RBFOX1: variants seen among roughly 807,000 people sequenced by gnomAD.
RBFOX1 encodes the protein RNA binding protein fox-1 homolog 1.
A neutral mutation model predicts 57.7 loss-of-function variants in RBFOX1; 8 were observed. That is an observed-to-expected ratio of 0.14 (90% CI 0.08 to 0.25). The LOEUF (loss-of-function observed/expected upper bound fraction) is 0.25. RBFOX1 is among the 10% of genes least tolerant of loss of function. The pLI is 1.00. For missense variants in RBFOX1, 611 were observed against 548.5 expected (o/e 1.11, Z -1.14); for synonymous variants, 326 against 222.4 (o/e 1.47, Z -4.15).
At chr16:6,713,543 C>T (rs1470492835) in intron 3 of RBFOX1, among the ~76,000 whole-genome samples, 6 of 152,010 alleles carry the variant, frequency 3.9e-5, no homozygotes, top group Non-Finnish European at 8.8e-5. Context: ...AAACCCCCTC[C>T]CCAGTTGAGA....
intron 3 of RBFOX1, among the ~76,000 whole-genome samples, chr16:6,865,826 T>G (rs1245568406): frequency 6.6e-6 from 1 of 152,176 alleles, no homozygotes; most frequent in Non-Finnish European, 1.5e-5. Context: ...AATTTTCAGG[T>G]ACAATTAACT....
intron 4 of RBFOX1, among the ~76,000 whole-genome samples, chr16:7,457,981 A>C (rs2058851003): frequency 6.6e-6 from 1 of 152,120 alleles, no homozygotes; most frequent in Non-Finnish European, 1.5e-5. Context: ...GAAAGGCTAC[A>C]TTCCACAGTT....
chr16:6,467,724 A>G (rs923678195), intron 2 of RBFOX1, among the ~76,000 whole-genome samples: 1 of 152,222 alleles, frequency 6.6e-6, no homozygotes, highest in Non-Finnish European at 1.5e-5. Flanking sequence ...TCTTCCATCT[A>G]TGGCTCTGGA....
chr16:5,400,807 A>T (rs60386767), intron 1 of RBFOX1, among the ~76,000 whole-genome samples: 8,707 of 152,158 alleles, frequency 0.057, 338 homozygotes, highest in East Asian at 0.12. Context: ...AGGTCTTTTT[A>T]AAAAAATGTT....
At chr16:5,484,886 A>T (rs2069671797) in intron 2 of RBFOX1, among the ~76,000 whole-genome samples, 1 of 148,368 alleles carries the variant, frequency 6.7e-6, no homozygotes, top group African/African-American at 2.5e-5. Flanking sequence ...ACATAGTGAG[A>T]CTCCATCCAA....
chr16:5,768,934 A>T (rs901274617), intron 3 of RBFOX1, among the ~76,000 whole-genome samples: 2 of 152,100 alleles, frequency 1.3e-5, no homozygotes, highest in African/African-American at 4.8e-5. Flanking sequence ...AGATTATCAG[A>T]TGAAAAAAAA....
chr16:5,570,906 A>G lies in RBFOX1; in HGVS notation c.259-27996A>G, dbSNP rs905820836. ...AAGTTACTTGGAGATCTTTAGAGAA[A>G]TAAGACAGTGAGTAAAAGGTCCAGA... On this transcript the variant is annotated intron_variant, in intron 2 of 2. Coordinates refer to the RBFOX1 transcript ENST00000585867. Among the ~76,000 whole-genome samples the G allele has an allele frequency of 5.3e-5, 8 of 152,192 alleles. No homozygotes were observed. The South Asian group carries it at 1.4e-3, about 28-fold the overall frequency.
chr16:6,237,421 A>G (rs540928767), intron 1 of RBFOX1, among the ~76,000 whole-genome samples: 1 of 152,328 alleles, frequency 6.6e-6, no homozygotes, highest in Non-Finnish European at 1.5e-5. Context: ...AGGTAAGCCA[A>G]CGTGCCTCAG....
rs1396545907 is a variant in RBFOX1, at chr16:5,588,893, G to C, written c.259-10009G>C. ...ATTTTACAGGTTGAGAGGTACAATT[G>C]GGTGGTTGATTGGATGCACAGGTGA... On this transcript the variant is annotated intron_variant, in intron 2 of 2. Transcript: ENST00000585867. Among the ~76,000 whole-genome samples the C allele has an allele frequency of 2.0e-5, 3 of 152,164 alleles. No individual in the cohort carries two copies. In the East Asian group the frequency reaches 5.8e-4, roughly 29 times the overall value.
intron 4 of RBFOX1, among the ~76,000 whole-genome samples, chr16:5,995,358 G>A (rs562579387): frequency 6.6e-6 from 1 of 152,298 alleles, no homozygotes; most frequent in African/African-American, 2.4e-5. Context: ...CTTCTGTGTA[G>A]AAAGGCAAGC....
chr16:7,224,478 A>T (rs1321513193), intron 4 of RBFOX1, among the ~76,000 whole-genome samples: 3 of 152,052 alleles, frequency 2.0e-5, no homozygotes, highest in Admixed American at 6.5e-5. Context: ...GCTGCAAATG[A>T]TCGAGCTATA....
intron 4 of RBFOX1, among the ~76,000 whole-genome samples, chr16:7,355,612 C>G (rs972669765): frequency 6.6e-6 from 1 of 152,316 alleles, no homozygotes; most frequent in Admixed American, 6.5e-5. Context: ...TTGGCCATCT[C>G]CCCATGTCAG....
chr16:6,397,479 C>G, intron 2 of RBFOX1, among the ~76,000 whole-genome samples: 1 of 151,984 alleles, frequency 6.6e-6, no homozygotes, highest in East Asian at 1.9e-4. Flanking sequence ...TAGGAAGATG[C>G]ATTCAGACAA....
intron 1 of RBFOX1, among the ~76,000 whole-genome samples, chr16:6,196,395 T>G (rs2097179980): frequency 6.6e-6 from 1 of 152,214 alleles, no homozygotes; most frequent in Non-Finnish European, 1.5e-5. Context: ...TAACATTATC[T>G]TTCAGATTTT....
chr16:6,180,208 C>T (rs778172361), intron 1 of RBFOX1, among the ~76,000 whole-genome samples: 3 of 152,064 alleles, frequency 2.0e-5, no homozygotes, highest in Admixed American at 6.5e-5. Context: ...AATAATTCTT[C>T]TTTGAAATTT....
rs959720823 is a variant in RBFOX1 at position 6,052,022 on chromosome 16, T to G, written c.-127+32030T>G. On this transcript the variant is annotated intron_variant, in intron 1 of 15. Coordinates refer to ENST00000550418, the MANE Select transcript of RBFOX1 (RefSeq NM_018723.4). ...TCTAGTCTTGCTCTCTCTAGTCCAG[T>G]CCCCATCATGCCAAACAAGCCTGTT... 2.0e-5 allele frequency among the ~76,000 whole-genome samples: 3 copies of G among 152,090 alleles called. No individual in the cohort carries two copies. In the South Asian group the frequency reaches 6.2e-4, roughly 32 times the overall value.
intron 3 of RBFOX1, among the ~76,000 whole-genome samples, chr16:6,949,648 A>G (rs1434600121): frequency 2.0e-5 from 3 of 151,950 alleles, no homozygotes; most frequent in African/African-American, 7.3e-5. Context: ...GTCAAATTGG[A>G]TTAAATCCCC....
At chr16:6,428,408 G>T (rs2093989819) in intron 2 of RBFOX1, among the ~76,000 whole-genome samples, 1 of 151,888 alleles carries the variant, frequency 6.6e-6, no homozygotes, top group Non-Finnish European at 1.5e-5. Context: ...AGTATTTACT[G>T]GGTGGAATAC....
intron 4 of RBFOX1, among the ~76,000 whole-genome samples, chr16:5,988,081 C>T (rs570692417): frequency 9.2e-5 from 14 of 152,246 alleles, no homozygotes; most frequent in Non-Finnish European, 1.6e-4. Flanking sequence ...CATGTGCTCC[C>T]GACATCATGG....
Sources: allele counts gnomAD v4.1 joint callset (sites outside exome capture counted in the v4.1 genomes callset), GRCh38; gene constraint gnomAD v4.1.1; transcripts MANE v1.5; gene names NCBI Gene and HGNC (gene_info 2026-07-23, HGNC 2026-07-21).